INSC: variants seen among roughly 807,000 people sequenced by gnomAD.
INSC encodes protein inscuteable homolog.
Under a neutral mutation model 58.6 loss-of-function variants are expected in INSC, and 67 were observed. The observed-to-expected ratio is 1.14, with a 90% CI of 0.94 to 1.40. The LOEUF (loss-of-function observed/expected upper bound fraction) is 1.40, where lower values mean the gene tolerates loss of function less well. Ranked by LOEUF, INSC falls within the 40% of genes most tolerant of loss-of-function variation. The pLI, the probability that INSC is intolerant of heterozygous loss-of-function variation, is 0.00. For missense variants in INSC, 714 were observed against 692.0 expected, an observed-to-expected ratio of 1.03 and a Z score of -0.36; for synonymous variants, 262 against 276.1, an observed-to-expected ratio of 0.95 and a Z score of 0.51.
At chr11:15,230,005 ATATATATAAT>A (rs1456256668) in intron 9 of INSC, among the ~76,000 whole-genome samples, 2 of 25,934 alleles carry the variant, frequency 7.7e-5, no homozygotes, top group Non-Finnish European at 6.3e-5. Flanking sequence ...ATATATATAT[ATATATATAAT>A]ATATATATAT....
intron 6 of INSC, among the ~76,000 whole-genome samples, chr11:15,195,091 G>T (rs1850320316): frequency 6.6e-6 from 1 of 152,154 alleles, no homozygotes; most frequent in South Asian, 2.1e-4. Context: ...TTGGAGCAAA[G>T]GGGATGGAGG....
chr11:15,128,759 A>AG (rs1848057529), intron 1 of INSC, among the ~76,000 whole-genome samples: 1 of 152,138 alleles, frequency 6.6e-6, no homozygotes. Context: ...CCCAGAGGTG[A>AG]GGGGGTAGGC....
downstream of INSC, among the ~76,000 whole-genome samples, chr11:15,248,497 G>A (rs1285466995): frequency 1.3e-5 from 2 of 152,206 alleles, no homozygotes; most frequent in African/African-American, 4.8e-5. Context: ...GCCCTACTTT[G>A]AGAATCACTG....
intron 2 of INSC, among the ~76,000 whole-genome samples, chr11:15,157,868 T>C (rs144601203): frequency 0.013 from 2,004 of 152,264 alleles, 32 homozygotes; most frequent in Admixed American, 0.03. Context: ...CTGCAAGGCC[T>C]GACCCCCACT....
intron 5 of INSC, among the ~76,000 whole-genome samples, chr11:15,180,800 T>A (rs185698114): frequency 1.1e-4 from 17 of 152,092 alleles, no homozygotes; most frequent in Middle Eastern, 3.4e-3. Flanking sequence ...TGCCAGCAAG[T>A]CCCATGATTT....
At chr11:15,144,175 T>G (rs1336545905) in intron 1 of INSC, among the ~76,000 whole-genome samples, 3 of 152,206 alleles carry the variant, frequency 2.0e-5, no homozygotes, top group Non-Finnish European at 4.4e-5. Context: ...ACTAAGACTC[T>G]TAAGCAAAGG....
chr11:15,256,861 A>C, the INSC span, among the ~76,000 whole-genome samples: 1 of 152,158 alleles, frequency 6.6e-6, no homozygotes, highest in Non-Finnish European at 1.5e-5. Flanking sequence ...AGACCAGTCC[A>C]CAAGAGTAAA....
upstream of INSC, among the ~76,000 whole-genome samples, chr11:15,114,621 G>A (rs1036125791): frequency 2.6e-5 from 4 of 152,200 alleles, no homozygotes; most frequent in Admixed American, 6.5e-5. Flanking sequence ...CCTGGTGCCT[G>A]CCGCCTGGCC....
intron 8 of INSC, among the ~76,000 whole-genome samples, chr11:15,222,402 GA>G (rs1379576053): frequency 3.3e-5 from 5 of 152,058 alleles, no homozygotes; most frequent in Non-Finnish European, 7.4e-5. Flanking sequence ...AATTTTATCA[GA>G]AAATTTAGGA....
intron 5 of INSC, among the ~76,000 whole-genome samples, chr11:15,179,300 C>A (rs1849680720): frequency 6.6e-6 from 1 of 152,214 alleles, no homozygotes; most frequent in South Asian, 2.1e-4. Flanking sequence ...CCCAGTAAAG[C>A]AGATTCCATA....
At chr11:15,237,939 T>C (rs1398767847) in intron 10 of INSC, among the ~76,000 whole-genome samples, 1 of 152,082 alleles carries the variant, frequency 6.6e-6, no homozygotes, top group Admixed American at 6.6e-5. Flanking sequence ...AGACACTATA[T>C]GGGGCAACAA....
At chr11:15,231,948 A>G (rs542806361) in intron 9 of INSC, among the ~76,000 whole-genome samples, 94 of 152,298 alleles carry the variant, frequency 6.2e-4, no homozygotes, top group African/African-American at 2.2e-3. Context: ...CGGCCTGCAG[A>G]CAAGTGTTTC....
intron 6 of INSC, among the ~76,000 whole-genome samples, chr11:15,193,735 A>G (rs1293306984): frequency 1.3e-5 from 2 of 152,234 alleles, no homozygotes; most frequent in Non-Finnish European, 2.9e-5. Context: ...TATTGTGAAT[A>G]GTGCCACAAT....
intron 5 of INSC, 129 bp downstream of exon 5, chr11:15,178,576 C>T: frequency 2.6e-6 from 3 of 1,147,968 alleles, no homozygotes; most frequent in South Asian, 1.6e-5. Context: ...CTTACTCAAA[C>T]CACCAAAGTC....
At chr11:15,267,864 A>G in the INSC span, among the ~76,000 whole-genome samples, 1 of 151,968 alleles carries the variant, frequency 6.6e-6, no homozygotes, top group African/African-American at 2.4e-5. Flanking sequence ...ATCTTCATAT[A>G]AATATTTTTG....
At position 15,177,139 on chromosome 11, in the gene INSC, C is replaced by T. The variant is rs201169530; in HGVS notation, c.431C>T (p.Ser144Leu). The T allele has an allele frequency of 1.1e-4, 178 of 1,613,972 alleles. No homozygotes were observed. Among genetic ancestry groups the T allele is most frequent in the Admixed American group, 1.8e-4 (11 of 60,010 alleles). Residue 144 changes from serine to leucine, a missense_variant, in exon 4 of 13, where the codon TCG becomes TTG. Physicochemically the swap from Ser to Leu is moderately radical, Grantham distance 145 (BLOSUM62 -2). Transcript: ENST00000379556. ...EIEKLLMEKC[S>L]ELSAVTERCL... ...GAGAAGCTGCTAATGGAGAAATGCT[C>T]GGAGCTCTCGGCAGTCACAGAGAGG...
the INSC span, among the ~76,000 whole-genome samples, chr11:15,267,004 A>G: frequency 6.6e-6 from 1 of 152,010 alleles, no homozygotes; most frequent in Non-Finnish European, 1.5e-5. Context: ...TCTATTTAGT[A>G]TCATTTTTCT....
intron 4 of INSC, among the ~76,000 whole-genome samples, chr11:15,178,059 A>G (rs1175123214): frequency 6.6e-6 from 1 of 152,188 alleles, no homozygotes; most frequent in Non-Finnish European, 1.5e-5. Flanking sequence ...TGCAGGGAGA[A>G]GCCCAGAGGT....
the INSC span, among the ~76,000 whole-genome samples, chr11:15,260,380 G>A: frequency 1.3e-5 from 2 of 152,114 alleles, no homozygotes; most frequent in African/African-American, 4.8e-5. Context: ...TTTTGTAAAT[G>A]TTTATTTAGT....
Sources: allele counts gnomAD v4.1 joint callset (sites outside exome capture counted in the v4.1 genomes callset), GRCh38; gene constraint gnomAD v4.1.1; transcripts MANE v1.5; gene names NCBI Gene and HGNC (gene_info 2026-07-23, HGNC 2026-07-21).